The following PDLIM5 variants were observed in gnomAD, a reference collection of about 807,000 sequenced individuals.
The protein encoded by PDLIM5 is PDZ and LIM domain 5.
Under a neutral mutation model 64.2 loss-of-function variants are expected in PDLIM5, and 34 were observed. The observed-to-expected ratio is 0.53, with a 90% CI of 0.40 to 0.71. The LOEUF is 0.71. PDLIM5 is among the 30% of genes least tolerant of loss of function. The pLI is 0.00. For synonymous variants in PDLIM5, 253 were observed against 269.1 expected (o/e 0.94, Z 0.59); for missense variants, 683 against 733.6 (o/e 0.93, Z 0.80).
chr4:94,653,990 A>G (rs2110488095), intron 9 of PDLIM5, among the ~76,000 whole-genome samples: 1 of 152,248 alleles, frequency 6.6e-6, no homozygotes, highest in Non-Finnish European at 1.5e-5. Flanking sequence ...TGTCTCAGGT[A>G]ATAGTTATTA....
chr4:94,659,530 G>A (rs1301919831), intron 11 of PDLIM5, among the ~76,000 whole-genome samples: 1 of 145,456 alleles, frequency 6.9e-6, no homozygotes, highest in East Asian at 2.1e-4. Context: ...GTGTGTGTGT[G>A]TGTGTGTGTA....
intron 3 of PDLIM5, among the ~76,000 whole-genome samples, chr4:94,538,509 T>G (rs897895229): frequency 2.0e-5 from 3 of 152,184 alleles, no homozygotes; most frequent in Admixed American, 2.0e-4. Context: ...CAGATTGGTA[T>G]TAAACTGTGG....
intron 3 of PDLIM5, 37 bp from the exon 4 acceptor site, chr4:94,573,314 T>C: frequency 6.4e-7 from 1 of 1,564,068 alleles, no homozygotes; most frequent in Non-Finnish European, 8.8e-7. Context: ...TAAAAATTCA[T>C]TATTTTTTTT....
chr4:94,579,976 T>C (rs1032451702), intron 5 of PDLIM5, among the ~76,000 whole-genome samples: 7 of 152,174 alleles, frequency 4.6e-5, no homozygotes, highest in Non-Finnish European at 1.5e-5. Flanking sequence ...TTTAATTCAA[T>C]GTTGCTGGCA....
chr4:94,661,055 G>C (rs1259970423), intron 11 of PDLIM5, among the ~76,000 whole-genome samples: 1 of 152,124 alleles, frequency 6.6e-6, no homozygotes, highest in African/African-American at 2.4e-5. Flanking sequence ...CTACACTTCA[G>C]CCTGGGCAAG....
At chr4:94,524,972 A>C (rs1160107469) in intron 3 of PDLIM5, among the ~76,000 whole-genome samples, 1 of 152,172 alleles carries the variant, frequency 6.6e-6, no homozygotes, top group African/African-American at 2.4e-5. Flanking sequence ...GGAGATTTTA[A>C]GCAAATCTTG....
chr4:94,582,520 G>A (rs573509547), intron 5 of PDLIM5: 45 of 500,262 alleles, frequency 9.0e-5, no homozygotes, highest in Admixed American at 3.5e-4. Context: ...TCATTTTTTG[G>A]TCTGTGTTTA....
intron 7 of PDLIM5, among the ~76,000 whole-genome samples, chr4:94,600,806 C>T (rs1001165743): frequency 2.0e-5 from 3 of 152,038 alleles, no homozygotes; most frequent in Non-Finnish European, 4.4e-5. Flanking sequence ...TGTCATTACA[C>T]GTTAAAATCT....
rs974325114 is a variant in PDLIM5 at position 94,664,178 on chromosome 4, G to T, written c.*111G>T. On this transcript the variant is annotated 3_prime_UTR_variant, in exon 13 of 13. Transcript: ENST00000317968. ...TATGGAGTTTTGAAAAATAATAGTG[G>T]CCCTGAAGGAATAAATTCCAGCTTT... 15 of 1,257,556 alleles carry T rather than the reference G, an allele frequency of 1.2e-5. No homozygotes were observed. The highest frequency in any genetic ancestry group is 1.1e-4 in the Admixed American group (3 of 27,376). The allele number at this position is 1,257,556 out of a possible 1,614,324, so 77.9% of individuals were successfully genotyped here.
At chr4:94,648,821 T>C (rs906256817) in intron 9 of PDLIM5, among the ~76,000 whole-genome samples, 1 of 152,188 alleles carries the variant, frequency 6.6e-6, no homozygotes, top group Non-Finnish European at 1.5e-5. Flanking sequence ...CACAACATGA[T>C]TGCTTTCTTC....
chr4:94,485,807 G>A (rs1305058215), intron 2 of PDLIM5, among the ~76,000 whole-genome samples: 1 of 140,836 alleles, frequency 7.1e-6, no homozygotes, highest in African/African-American at 2.7e-5. Flanking sequence ...CCAATATTGC[G>A]CCACTGCACT....
intron 7 of PDLIM5, among the ~76,000 whole-genome samples, chr4:94,614,057 G>A (rs1296652548): frequency 1.3e-5 from 2 of 151,136 alleles, no homozygotes; most frequent in African/African-American, 4.9e-5. Flanking sequence ...CCGCCTCGCG[G>A]GTTCAAGTGA....
chr4:94,504,520 C>T lies in PDLIM5; in HGVS notation c.97-19204C>T, dbSNP rs140775985. Among the ~76,000 whole-genome samples, 33 of 152,196 alleles carry T rather than the reference C, an allele frequency of 2.2e-4. No homozygotes were observed. The East Asian group carries it at 4.8e-3, about 22-fold the overall frequency. ...CAGGATGGTCTCCGTCTCGTGACCT[C>T]GTGATCTGCCCGTCTTGGCCTCCCA... On this transcript the variant is annotated intron_variant, in intron 2 of 12. Coordinates refer to ENST00000317968, the MANE Select transcript of PDLIM5 (RefSeq NM_006457.5).
intron 12 of PDLIM5, 70 bp downstream of exon 12, chr4:94,662,607 AAT>A (rs1236916141): frequency 1.5e-6 from 1 of 656,796 alleles, no homozygotes; most frequent in Non-Finnish European, 2.8e-6. Context: ...ATTTAATGGA[AAT>A]ATCAGCTTCT....
chr4:94,522,111 G>T (rs1038688036), intron 2 of PDLIM5, among the ~76,000 whole-genome samples: 1 of 152,100 alleles, frequency 6.6e-6, no homozygotes, highest in Non-Finnish European at 1.5e-5. Flanking sequence ...TCTAGTGCAG[G>T]CCCTGCATTT....
chr4:94,643,579 G>A (rs775605384), intron 9 of PDLIM5, among the ~76,000 whole-genome samples: 13 of 152,038 alleles, frequency 8.6e-5, no homozygotes, highest in Admixed American at 3.9e-4. Flanking sequence ...TGGAGTTAAC[G>A]GAACTATTTA....
At chr4:94,559,708 A>G (rs116066024) in intron 3 of PDLIM5, among the ~76,000 whole-genome samples, 1 of 152,060 alleles carries the variant, frequency 6.6e-6, no homozygotes, top group Non-Finnish European at 1.5e-5. Flanking sequence ...TAATTGTGGT[A>G]TGCAGCTCAC....
intron 8 of PDLIM5, among the ~76,000 whole-genome samples, chr4:94,619,005 C>T (rs538456323): frequency 1.4e-4 from 22 of 152,244 alleles, no homozygotes; most frequent in African/African-American, 4.6e-4. Context: ...CGATAATTTA[C>T]AGATCTTTCT....
At chr4:94,508,560 G>T (rs1238858663) in intron 2 of PDLIM5, among the ~76,000 whole-genome samples, 1 of 152,162 alleles carries the variant, frequency 6.6e-6, no homozygotes, top group Non-Finnish European at 1.5e-5. Flanking sequence ...TCTTCTCTAA[G>T]GGATAGGAGA....
Sources: gnomAD v4.1 joint callset for allele counts (sites outside exome capture counted in the v4.1 genomes callset) on GRCh38, gnomAD v4.1.1 for gene constraint, MANE v1.5 for transcripts, NCBI Gene and HGNC (gene_info 2026-07-23, HGNC 2026-07-21) for gene names.